ZBBX: variants seen among roughly 807,000 people sequenced by gnomAD.
The protein encoded by ZBBX is zinc finger B-box domain containing, also known as zinc finger B-box domain-containing protein 1.
ZBBX carries 101 observed loss-of-function variants against 108.5 expected under a neutral mutation model. The observed-to-expected ratio is 0.93, with a 90% CI of 0.79 to 1.10. ZBBX has a LOEUF of 1.10. ZBBX is among the 50% of genes least tolerant of loss of function. The pLI is 0.00. For synonymous variants in ZBBX, 356 were observed against 323.4 expected (o/e 1.10, Z -1.08); for missense variants, 1,009 against 941.4 (o/e 1.07, Z -0.94).
chr3:167,372,296 G>A (rs1025053203), intron 4 of ZBBX, among the ~76,000 whole-genome samples: 2 of 152,110 alleles, frequency 1.3e-5, no homozygotes, highest in Non-Finnish European at 2.9e-5. Context: ...AGTGACTGTA[G>A]GTGACATCAA....
chr3:167,361,002 CATT>C (rs1375513974), intron 6 of ZBBX, among the ~76,000 whole-genome samples: 11 of 151,932 alleles, frequency 7.2e-5, no homozygotes, highest in Admixed American at 4.6e-4. Context: ...CATTATATCT[CATT>C]ATGAAATTAT....
At chr3:167,305,615 TA>T in intron 17 of ZBBX, 27 bp downstream of exon 17, 1 of 1,420,052 alleles carries the variant, frequency 7.0e-7, no homozygotes, top group South Asian at 1.7e-5. Flanking sequence ...TATAAAATTT[TA>T]ATATAATAAA....
the ZBBX span, among the ~76,000 whole-genome samples, chr3:167,194,099 T>C: frequency 6.6e-6 from 1 of 151,920 alleles, no homozygotes; most frequent in Non-Finnish European, 1.5e-5. Flanking sequence ...TATTTCAAAA[T>C]AGCTAGATGA....
chr3:167,255,145 A>G (rs144100221), intron 20 of ZBBX, among the ~76,000 whole-genome samples: 1 of 152,132 alleles, frequency 6.6e-6, no homozygotes, highest in Non-Finnish European at 1.5e-5. Context: ...GAAAAATTAT[A>G]TGATAATTAA....
chr3:167,216,511 T>C, the ZBBX span, among the ~76,000 whole-genome samples: 4 of 152,162 alleles, frequency 2.6e-5, no homozygotes, highest in South Asian at 8.3e-4. Context: ...TGCTCATTGA[T>C]AGGAAGAATC....
At chr3:167,315,727 A>C in intron 15 of ZBBX, 23 bp downstream of exon 15, 1 of 1,575,956 alleles carries the variant, frequency 6.3e-7, no homozygotes, top group Non-Finnish European at 8.7e-7. Flanking sequence ...ATATGCACAC[A>C]AAGTTAATTA....
At chr3:167,269,629 TA>T (rs943679329) in intron 20 of ZBBX, among the ~76,000 whole-genome samples, 6 of 152,282 alleles carry the variant, frequency 3.9e-5, no homozygotes, top group African/African-American at 1.2e-4. Context: ...CAGATAGGGT[TA>T]AAGCCCATAA....
At chr3:167,217,552 A>G in the ZBBX span, among the ~76,000 whole-genome samples, 2,036 of 152,244 alleles carry the variant, frequency 0.013, 22 homozygotes, top group South Asian at 0.026. Flanking sequence ...AAAGAAGTAT[A>G]GTGATTCCTC....
chr3:167,298,584 T>C, intron 17 of ZBBX, 126 bp from the exon 18 acceptor site: 1 of 598,840 alleles, frequency 1.7e-6, no homozygotes, highest in Non-Finnish European at 2.6e-6. Flanking sequence ...TCAAGTTTAG[T>C]TTCTAACAGT....
At chr3:167,307,132 AAAT>A (rs761389598) in intron 16 of ZBBX, among the ~76,000 whole-genome samples, 3 of 152,048 alleles carry the variant, frequency 2.0e-5, no homozygotes, top group Non-Finnish European at 4.4e-5. Context: ...ATATATCTCA[AAAT>A]AATAAGAACC....
intron 16 of ZBBX, among the ~76,000 whole-genome samples, chr3:167,310,350 C>T (rs980506187): frequency 6.6e-6 from 1 of 152,134 alleles, no homozygotes. Flanking sequence ...TGCCTGTTAC[C>T]GAGTTCTAAA....
chr3:167,336,291 A>G (rs186081572), intron 9 of ZBBX, among the ~76,000 whole-genome samples: 1 of 152,154 alleles, frequency 6.6e-6, no homozygotes, highest in Admixed American at 6.6e-5. Flanking sequence ...AAAAAATAAG[A>G]TAAACATCAT....
At chr3:167,267,151 A>T (rs1021524794) in intron 20 of ZBBX, among the ~76,000 whole-genome samples, 4 of 152,228 alleles carry the variant, frequency 2.6e-5, no homozygotes, top group Non-Finnish European at 5.9e-5. Context: ...CTGCGGTTCC[A>T]CGGTCACCTC....
At chr3:167,181,380 C>T in the ZBBX span, among the ~76,000 whole-genome samples, 1 of 152,140 alleles carries the variant, frequency 6.6e-6, no homozygotes, top group African/African-American at 2.4e-5. Context: ...GTCCATCAGG[C>T]CCTTCACAAT....
chr3:167,305,169 CCT>C (rs1182473844), intron 17 of ZBBX, among the ~76,000 whole-genome samples: 3 of 152,082 alleles, frequency 2.0e-5, no homozygotes, highest in African/African-American at 7.2e-5. Context: ...AAAATCTACA[CCT>C]CTATTTCCTT....
At chr3:167,310,223 A>C (rs1340233861) in intron 16 of ZBBX, among the ~76,000 whole-genome samples, 3 of 152,176 alleles carry the variant, frequency 2.0e-5, no homozygotes, top group African/African-American at 7.2e-5. Context: ...CCTAGACTTC[A>C]TTGTCCATTA....
chr3:167,342,814 A>G (rs2108452408), intron 9 of ZBBX, among the ~76,000 whole-genome samples: 1 of 151,468 alleles, frequency 6.6e-6, no homozygotes, highest in East Asian at 1.9e-4. Context: ...AAAAAAAACA[A>G]CAAGGGACAC....
chr3:167,248,556 G>A (rs763561193), intron 20 of ZBBX: 33 of 447,142 alleles, frequency 7.4e-5, no homozygotes, highest in Non-Finnish European at 1.4e-4. Context: ...CTGCAAATTC[G>A]ACAGGGCACA....
intron 7 of ZBBX, among the ~76,000 whole-genome samples, chr3:167,360,346 A>G (rs1283514446): frequency 2.6e-5 from 4 of 151,476 alleles, no homozygotes; most frequent in African/African-American, 4.8e-5. Context: ...AAAATTTTCT[A>G]GAGTGAAATT....
Sources: gnomAD v4.1 joint callset for allele counts (sites outside exome capture counted in the v4.1 genomes callset) on GRCh38, gnomAD v4.1.1 for gene constraint, MANE v1.5 for transcripts, NCBI Gene and HGNC (gene_info 2026-07-23, HGNC 2026-07-21) for gene names.